Variants in KRT8 observed in about 807,000 individuals in gnomAD.
KRT8 encodes keratin, type II cytoskeletal 8.
Under a neutral mutation model 43.0 loss-of-function variants are expected in KRT8, and 24 were observed. The observed-to-expected ratio is 0.56, with a 90% CI of 0.40 to 0.78. The LOEUF (loss-of-function observed/expected upper bound fraction) is 0.78. Ranked by LOEUF, KRT8 falls within the 30% of genes least tolerant of loss-of-function variation. The probability of loss-of-function intolerance (pLI) is 0.00; values close to 1 mark genes in which losing one functional copy is unlikely to be tolerated. For missense variants in KRT8, 492 were observed against 638.4 expected, an observed-to-expected ratio of 0.77 and a Z score of 2.47; for synonymous variants, 214 against 261.2, an observed-to-expected ratio of 0.82 and a Z score of 1.74.
intron 2 of KRT8, chr12:52,926,336 T>TCCCCCCCCCCCCCCCCC: frequency 5.2e-6 from 2 of 385,522 alleles, no homozygotes; most frequent in Non-Finnish European, 4.9e-6. Context: ...CTAGCTGCCC[T>TCCCCCCCCCCCCCCCCC]CCCCACCCCA....
At chr12:52,900,952 C>T in intron 3 of KRT8, 1 of 645,846 alleles carries the variant, frequency 1.5e-6, no homozygotes, top group Non-Finnish European at 2.8e-6. Context: ...GTTTTCTGAA[C>T]CATGTCCCAA....
At chr12:52,920,131 T>C (rs1277733291) in intron 2 of KRT8, among the ~76,000 whole-genome samples, 1 of 152,230 alleles carries the variant, frequency 6.6e-6, no homozygotes, top group Non-Finnish European at 1.5e-5. Flanking sequence ...GATCCAATTA[T>C]GTCCATTAAG....
chr12:52,922,119 G>A (rs539907192), intron 2 of KRT8, among the ~76,000 whole-genome samples: 1 of 135,532 alleles, frequency 7.4e-6, no homozygotes, highest in Non-Finnish European at 1.6e-5. Flanking sequence ...GTTTGAGGCT[G>A]TAGTGTACCA....
chr12:52,935,291 A>G (rs1400559505), intron 2 of KRT8, among the ~76,000 whole-genome samples: 1 of 149,028 alleles, frequency 6.7e-6, no homozygotes, highest in Non-Finnish European at 1.5e-5. Context: ...AGGCAGGAGA[A>G]TCGCTTGAAC....
chr12:52,912,139 G>GT (rs1209457827), intron 2 of KRT8, among the ~76,000 whole-genome samples: 1 of 152,258 alleles, frequency 6.6e-6, no homozygotes, highest in Non-Finnish European at 1.5e-5. Context: ...ACAGGGCAAG[G>GT]TCTGAGGGAA....
chr12:52,918,209 A>AAGAAGAAGAAGAAGAAGG (rs1941809133), intron 2 of KRT8, among the ~76,000 whole-genome samples: 1 of 113,570 alleles, frequency 8.8e-6, no homozygotes, highest in East Asian at 2.2e-4. Context: ...GAAGAACAAG[A>AAGAAGAAGAAGAAGAAGG]AGAAGAAGAA....
chr12:52,942,258 G>A (rs561451772), intron 2 of KRT8, among the ~76,000 whole-genome samples: 9 of 152,196 alleles, frequency 5.9e-5, no homozygotes, highest in African/African-American at 7.2e-5. Flanking sequence ...GCAACAAACC[G>A]ATAAGGAAGC....
At chr12:52,928,643 G>A (rs1441664799) in intron 2 of KRT8, among the ~76,000 whole-genome samples, 1 of 152,142 alleles carries the variant, frequency 6.6e-6, no homozygotes, top group Non-Finnish European at 1.5e-5. Flanking sequence ...AGTGGCTCAC[G>A]CCTGTAATCC....
chr12:52,901,153 C>T lies in KRT8; in HGVS notation c.594+6G>A. 1 of 1,594,012 alleles carries T rather than the reference C, an allele frequency of 6.3e-7. No homozygotes were observed. The highest frequency in any genetic ancestry group is 8.6e-7 in the Non-Finnish European group (1 of 1,161,746). On this transcript the variant is annotated splice_donor_region_variant and intron_variant, in intron 3 of 7. Transcript: ENST00000692008. ...TGTCCAGATAGGAGAAGGGAGACTC[C>T]CTCACCTTCTTGATGAGGACAAATT...
chr12:52,938,974 C>A (rs1178072600), intron 2 of KRT8, among the ~76,000 whole-genome samples: 1 of 151,830 alleles, frequency 6.6e-6, no homozygotes, highest in Non-Finnish European at 1.5e-5. Flanking sequence ...AGTCCTAGCT[C>A]CTGAGGAGGA....
chr12:52,938,470 C>A (rs1033539285), intron 2 of KRT8, among the ~76,000 whole-genome samples: 22 of 151,442 alleles, frequency 1.5e-4, no homozygotes, highest in African/African-American at 5.3e-4. Context: ...TCCAGCCTAA[C>A]TTTTGTTTTT....
At chr12:52,911,098 T>A (rs148565245), upstream of KRT8, among the ~76,000 whole-genome samples, 48 of 152,224 alleles carry the variant, frequency 3.2e-4, 1 homozygote, top group East Asian at 8.5e-3. Context: ...ACACCTGTAA[T>A]CCCAGCACTT....
At chr12:52,911,842 G>A (rs1941642741), upstream of KRT8, among the ~76,000 whole-genome samples, 1 of 152,112 alleles carries the variant, frequency 6.6e-6, no homozygotes, top group Non-Finnish European at 1.5e-5. Context: ...TGGCCAACAT[G>A]GTGAAACCCC....
chr12:52,941,292 C>G (rs1942263897), intron 2 of KRT8, among the ~76,000 whole-genome samples: 2 of 151,662 alleles, frequency 1.3e-5, no homozygotes, highest in Non-Finnish European at 2.9e-5. Context: ...TAGGCTCAGC[C>G]TTATATGTGA....
At chr12:52,948,844 A>G (rs1357798785) in intron 2 of KRT8, 1 of 418,172 alleles carries the variant, frequency 2.4e-6, no homozygotes. Flanking sequence ...GGAGAAGAGC[A>G]TAATAACGTC....
At chr12:52,902,527 G>A (rs1941397773) in intron 1 of KRT8, among the ~76,000 whole-genome samples, 1 of 152,020 alleles carries the variant, frequency 6.6e-6, no homozygotes, top group Admixed American at 6.5e-5. Flanking sequence ...GGGGCTACAG[G>A]CACCTGCCTG....
At chr12:52,925,953 T>C (rs1941981179) in intron 2 of KRT8, among the ~76,000 whole-genome samples, 1 of 151,932 alleles carries the variant, frequency 6.6e-6, no homozygotes, top group Non-Finnish European at 1.5e-5. Flanking sequence ...GAGGCAGTGT[T>C]CTCATGTTCT....
upstream of KRT8, among the ~76,000 whole-genome samples, chr12:52,907,266 A>G (rs1480172095): frequency 2.6e-5 from 4 of 152,152 alleles, no homozygotes; most frequent in Admixed American, 6.5e-5. Flanking sequence ...CAGGGCTGAG[A>G]AGCTTTTAAC....
chr12:52,935,973 G>C (rs752100434), intron 2 of KRT8, among the ~76,000 whole-genome samples: 2 of 152,180 alleles, frequency 1.3e-5, no homozygotes, highest in African/African-American at 4.8e-5. Flanking sequence ...TCTAGATAAG[G>C]CTGGGCGAGG....
Sources: gnomAD v4.1 joint callset for allele counts (sites outside exome capture counted in the v4.1 genomes callset) on GRCh38, gnomAD v4.1.1 for gene constraint, MANE v1.5 for transcripts, NCBI Gene and HGNC (gene_info 2026-07-23, HGNC 2026-07-21) for gene names.